The following TMEM178B variants were observed in gnomAD, a reference collection of about 807,000 sequenced individuals.
TMEM178B encodes the protein transmembrane protein 178B.
In TMEM178B, 5 loss-of-function variants were observed where a neutral mutation model predicts 31.0. The observed-to-expected ratio is 0.16, with a 90% CI of 0.08 to 0.34. The LOEUF (loss-of-function observed/expected upper bound fraction) is 0.34, where lower values mean the gene tolerates loss of function less well. Ranked by LOEUF, TMEM178B falls within the 10% of genes least tolerant of loss-of-function variation. TMEM178B has a pLI of 1.00. For missense variants in TMEM178B, 275 were observed against 400.3 expected (o/e 0.69, Z 2.67); for synonymous variants, 164 against 164.0 (o/e 1.00, Z 0.00).
At chr7:141,380,040 C>G (rs944370828) in intron 2 of TMEM178B, among the ~76,000 whole-genome samples, 1 of 152,186 alleles carries the variant, frequency 6.6e-6, no homozygotes, top group African/African-American at 2.4e-5. Flanking sequence ...TAAGAAGTTG[C>G]TTAGCTCACC....
chr7:141,246,510 A>G (rs17162012), intron 2 of TMEM178B, among the ~76,000 whole-genome samples: 11,820 of 152,282 alleles, frequency 0.078, 535 homozygotes, highest in East Asian at 0.14. Flanking sequence ...ATTTGGCTAA[A>G]TATGTAAGAC....
At chr7:141,153,327 T>C (rs1003852214) in intron 1 of TMEM178B, among the ~76,000 whole-genome samples, 8 of 152,246 alleles carry the variant, frequency 5.3e-5, no homozygotes, top group African/African-American at 1.4e-4. Flanking sequence ...CTGCAAAGTA[T>C]TTCATTATCT....
At chr7:141,217,680 G>A (rs1797181891) in intron 2 of TMEM178B, among the ~76,000 whole-genome samples, 3 of 152,166 alleles carry the variant, frequency 2.0e-5, no homozygotes, top group Non-Finnish European at 4.4e-5. Context: ...GGTCTTCTTT[G>A]CCCCTTGATC....
chr7:141,432,138 C>T (rs1309809796), intron 2 of TMEM178B, among the ~76,000 whole-genome samples: 1 of 133,810 alleles, frequency 7.5e-6, no homozygotes, highest in African/African-American at 2.9e-5. Flanking sequence ...TTCTCTCCTT[C>T]ACTGCATCTT....
intron 3 of TMEM178B, among the ~76,000 whole-genome samples, chr7:141,458,223 AATT>A (rs1802001609): frequency 6.6e-6 from 1 of 152,104 alleles, no homozygotes; most frequent in Non-Finnish European, 1.5e-5. Context: ...GGGTTCAAGC[AATT>A]ATCCTGCCTC....
intron 2 of TMEM178B, among the ~76,000 whole-genome samples, chr7:141,382,209 A>G (rs1563166916): frequency 6.6e-6 from 1 of 152,214 alleles, no homozygotes; most frequent in Non-Finnish European, 1.5e-5. Flanking sequence ...CAAAAGCCCA[A>G]AGATGTCCTA....
At chr7:141,218,117 G>T (rs561521375) in intron 2 of TMEM178B, among the ~76,000 whole-genome samples, 1 of 151,728 alleles carries the variant, frequency 6.6e-6, no homozygotes, top group Non-Finnish European at 1.5e-5. Context: ...CTCACTCATC[G>T]GCCCTGTGGC....
At chr7:141,378,450 C>T (rs958682481) in intron 2 of TMEM178B, among the ~76,000 whole-genome samples, 2 of 152,326 alleles carry the variant, frequency 1.3e-5, no homozygotes, top group Admixed American at 6.5e-5. Context: ...TGCCCCCACC[C>T]AAAACCAGAG....
intron 2 of TMEM178B, among the ~76,000 whole-genome samples, chr7:141,381,918 C>T (rs1800323451): frequency 6.6e-6 from 1 of 152,206 alleles, no homozygotes; most frequent in African/African-American, 2.4e-5. Context: ...ATTTCAATCT[C>T]AACCCTACTC....
At chr7:141,100,171 G>A (rs1490906370) in intron 1 of TMEM178B, among the ~76,000 whole-genome samples, 1 of 151,544 alleles carries the variant, frequency 6.6e-6, no homozygotes, top group South Asian at 2.1e-4. Flanking sequence ...GGCAGTTTTA[G>A]AATAAGCAGA....
At chr7:141,105,230 C>T (rs1237125343) in intron 1 of TMEM178B, among the ~76,000 whole-genome samples, 1 of 152,206 alleles carries the variant, frequency 6.6e-6, no homozygotes, top group Non-Finnish European at 1.5e-5. Context: ...GGAACATTGG[C>T]TGCTGTGGTG....
chr7:141,108,659 C>T (rs1175608048), intron 1 of TMEM178B, among the ~76,000 whole-genome samples: 4 of 152,168 alleles, frequency 2.6e-5, no homozygotes, highest in African/African-American at 9.7e-5. Flanking sequence ...TGGACTTAGA[C>T]TTCCAGTATC....
chr7:141,179,836 C>T (rs920467749), intron 1 of TMEM178B, among the ~76,000 whole-genome samples: 1 of 152,150 alleles, frequency 6.6e-6, no homozygotes, highest in African/African-American at 2.4e-5. Flanking sequence ...GATTTTGTCC[C>T]ATTTAGTTCT....
intron 2 of TMEM178B, among the ~76,000 whole-genome samples, chr7:141,306,450 G>C (rs1798817101): frequency 6.6e-6 from 1 of 152,186 alleles, no homozygotes; most frequent in Non-Finnish European, 1.5e-5. Flanking sequence ...TCTGTATCTA[G>C]AAAAGGTGTC....
At chr7:141,277,005 G>A (rs1021894746) in intron 2 of TMEM178B, among the ~76,000 whole-genome samples, 1 of 152,242 alleles carries the variant, frequency 6.6e-6, no homozygotes, top group Non-Finnish European at 1.5e-5. Context: ...AGAACTGGAA[G>A]TTGCTCTGGG....
In TMEM178B at chr7:141,328,125, G is replaced by A. The variant is rs74376663; in HGVS notation, c.497-109483G>A. 2.4e-3 allele frequency among the ~76,000 whole-genome samples: 358 copies of A among 152,312 alleles called. 2 individuals are homozygous for A. The highest frequency in any genetic ancestry group is 0.01 in the Middle Eastern group (3 of 294). ...TACTCAATTCTGTTTCCCAGATGGA[G>A]AAGATAGGGGTAAGGTTGGCTCCTG... On this transcript the variant is annotated intron_variant, in intron 2 of 3. Transcript: ENST00000565468.
In TMEM178B at chr7:141,414,364, G is replaced by A. The variant is rs1324444883; in HGVS notation, c.497-23244G>A. The A allele has an allele frequency of 4.6e-4, 8 of 17,316 alleles. 4 individuals carry two copies. Among genetic ancestry groups the A allele is most frequent in the African/African-American group, 3.3e-3 (6 of 1,804 alleles). 1.1% of individuals were successfully genotyped at this position (17,316 alleles called of 1,614,324 possible). Reference sequence around the variant, plus strand: ...CTCCCAAAGTGCTGGGATTACAGGCGTGAGCCACCGCGCCCAGCCCAAAAA... The same window carrying A: ...CTCCCAAAGTGCTGGGATTACAGGCATGAGCCACCGCGCCCAGCCCAAAAA... On this transcript the variant is annotated intron_variant, in intron 2 of 3. Transcript: ENST00000565468.
intron 2 of TMEM178B, among the ~76,000 whole-genome samples, chr7:141,383,876 C>G (rs1480573621): frequency 6.6e-6 from 1 of 152,134 alleles, no homozygotes; most frequent in Non-Finnish European, 1.5e-5. Context: ...CTCTCCAGCA[C>G]CTGTTGTTTC....
At chr7:141,259,035 T>C (rs1797973249) in intron 2 of TMEM178B, among the ~76,000 whole-genome samples, 1 of 152,206 alleles carries the variant, frequency 6.6e-6, no homozygotes, top group Non-Finnish European at 1.5e-5. Context: ...TGGCCACTAG[T>C]TCTTCAAATA....
Sources: gnomAD v4.1 joint callset for allele counts (sites outside exome capture counted in the v4.1 genomes callset) on GRCh38, gnomAD v4.1.1 for gene constraint, MANE v1.5 for transcripts, NCBI Gene and HGNC (gene_info 2026-07-23, HGNC 2026-07-21) for gene names.